The following TMEM74 variants were observed in gnomAD, a reference collection of about 807,000 sequenced individuals.
TMEM74 encodes transmembrane protein 74.
TMEM74 carries 13 observed loss-of-function variants against 18.1 expected under a neutral mutation model. The observed-to-expected ratio is 0.72, with a 90% confidence interval of 0.47 to 1.14. TMEM74 has a LOEUF of 1.14. TMEM74 is among the 50% of genes most tolerant of loss of function. The pLI is 0.00. For synonymous variants in TMEM74, 159 were observed against 146.6 expected (o/e 1.08, Z -0.61); for missense variants, 372 against 375.9 (o/e 0.99, Z 0.09).
chr8:108,699,145 T>C (rs1485472661), intron 1 of TMEM74, among the ~76,000 whole-genome samples: 7 of 68,710 alleles, frequency 1.0e-4, no homozygotes, highest in African/African-American at 1.9e-4. Context: ...CCCTCCCTCT[T>C]TTCCTTCCTT....
intron 1 of TMEM74, among the ~76,000 whole-genome samples, chr8:108,671,364 C>T (rs1813002987): frequency 6.6e-6 from 1 of 152,190 alleles, no homozygotes; most frequent in Non-Finnish European, 1.5e-5. Context: ...CTGTACCACC[C>T]TCTTGCCAAG....
chr8:108,663,174 AT>A (rs998230924), intron 1 of TMEM74, among the ~76,000 whole-genome samples: 15 of 152,036 alleles, frequency 9.9e-5, no homozygotes, highest in Non-Finnish European at 1.6e-4. Flanking sequence ...AGGAAGAGAA[AT>A]TTTTTTCCAT....
chr8:108,636,917 T>G (rs1358029990), intron 2 of TMEM74, among the ~76,000 whole-genome samples: 3 of 152,074 alleles, frequency 2.0e-5, no homozygotes, highest in Non-Finnish European at 2.9e-5. Context: ...TTGTCTCAGC[T>G]ACTATGTGTT....
At chr8:108,706,862 G>C (rs1813420541) in intron 1 of TMEM74, among the ~76,000 whole-genome samples, 1 of 151,182 alleles carries the variant, frequency 6.6e-6, no homozygotes, top group African/African-American at 2.4e-5. Context: ...TGATATCCAA[G>C]ACACTAAGAT....
chr8:108,787,095 A>G (rs1814394898), intron 1 of TMEM74, among the ~76,000 whole-genome samples: 1 of 151,994 alleles, frequency 6.6e-6, no homozygotes, highest in Admixed American at 6.6e-5. Context: ...AGCCCAGTTA[A>G]CGACATTGCA....
intron 1 of TMEM74, among the ~76,000 whole-genome samples, chr8:108,751,224 C>A (rs1002139866): frequency 2.0e-5 from 3 of 152,060 alleles, no homozygotes; most frequent in African/African-American, 7.2e-5. Context: ...AAAAAAGATT[C>A]TTTCGGGTTA....
In TMEM74 at chr8:108,770,940, C is replaced by A. The variant is rs191325213; in HGVS notation, n.119+16536G>T. Among the ~76,000 whole-genome samples, 544 of 152,190 alleles carry A rather than the reference C, an allele frequency of 3.6e-3. 3 individuals are homozygous for A. The highest frequency in any genetic ancestry group is 0.013 in the African/African-American group (520 of 41,536). ...GAGCTGTTCAGAGGAGAATCAATCCCATTTTTCTGGTCTCACTGAGAAGGT... is the reference window on the plus strand; with the variant it reads ...GAGCTGTTCAGAGGAGAATCAATCCAATTTTTCTGGTCTCACTGAGAAGGT... On this transcript the variant is annotated intron_variant and non_coding_transcript_variant, in intron 1 of 3. Coordinates refer to the TMEM74 transcript ENST00000518838.
At chr8:108,787,433 T>A (rs1013462327) in intron 1 of TMEM74, 43 bp downstream of exon 1, 2 of 152,460 alleles carry the variant, frequency 1.3e-5, no homozygotes, top group Non-Finnish European at 2.9e-5. Flanking sequence ...GCTCTCACCC[T>A]TGCATTCAAA....
chr8:108,679,656 C>G (rs2130597582), intron 1 of TMEM74, among the ~76,000 whole-genome samples: 2 of 152,148 alleles, frequency 1.3e-5, no homozygotes, highest in African/African-American at 4.8e-5. Flanking sequence ...AGCCCTTTGT[C>G]AGATGAGTAG....
intron 2 of TMEM74, among the ~76,000 whole-genome samples, chr8:108,637,620 C>T (rs918391199): frequency 1.3e-5 from 2 of 152,016 alleles, no homozygotes; most frequent in African/African-American, 4.8e-5. Flanking sequence ...AAAAGGGCCA[C>T]AAGCCAAGGA....
chr8:108,657,369 T>C (rs1292346284), intron 1 of TMEM74, among the ~76,000 whole-genome samples: 1 of 151,996 alleles, frequency 6.6e-6, no homozygotes, highest in Non-Finnish European at 1.5e-5. Context: ...GAAAATTGTC[T>C]GATCCTCCTC....
chr8:108,680,545 C>A (rs867235298), intron 1 of TMEM74, among the ~76,000 whole-genome samples: 10 of 152,278 alleles, frequency 6.6e-5, no homozygotes, highest in African/African-American at 2.4e-4. Context: ...CTATGACAAA[C>A]CCACAGCCAA....
intron 1 of TMEM74, among the ~76,000 whole-genome samples, chr8:108,664,791 C>T (rs368955151): frequency 5.7e-4 from 87 of 152,098 alleles, no homozygotes; most frequent in African/African-American, 1.9e-3. Flanking sequence ...GAGACCTGCT[C>T]AATGTGAGGG....
intron 1 of TMEM74, among the ~76,000 whole-genome samples, chr8:108,756,641 A>AGAAG (rs1813970357): frequency 5.6e-5 from 4 of 71,318 alleles, no homozygotes; most frequent in African/African-American, 2.6e-4. Flanking sequence ...GAAGGAAGGA[A>AGAAG]GAAAGAAAGA....
chr8:108,706,783 G>GTGTA (rs1554574036), intron 1 of TMEM74, among the ~76,000 whole-genome samples: 2 of 149,978 alleles, frequency 1.3e-5, no homozygotes, highest in Non-Finnish European at 3.0e-5. Context: ...AGGGGTGTGT[G>GTGTA]TGTGTGTGTG....
chr8:108,609,467 G>A (rs1812312248), intron 2 of TMEM74, among the ~76,000 whole-genome samples: 1 of 152,176 alleles, frequency 6.6e-6, no homozygotes, highest in Admixed American at 6.5e-5. Context: ...GGGCAACATG[G>A]TGAAACCCCA....
chr8:108,725,663 A>G (rs1349368881), intron 1 of TMEM74, among the ~76,000 whole-genome samples: 1 of 152,204 alleles, frequency 6.6e-6, no homozygotes, highest in Non-Finnish European at 1.5e-5. Context: ...GAATATAGGA[A>G]CTTGCTCAAG....
intron 1 of TMEM74, among the ~76,000 whole-genome samples, chr8:108,756,798 GAGGAAGGAAGGAAGGA>G (rs60134137): frequency 1.6e-5 from 2 of 123,102 alleles, no homozygotes; most frequent in African/African-American, 3.1e-5. Flanking sequence ...GAGGGAAGGG[GAGGAAGGAAGGAAGGA>G]AGGAAGGAAG....
At chr8:108,747,381 G>A (rs1443065691) in intron 1 of TMEM74, among the ~76,000 whole-genome samples, 1 of 152,030 alleles carries the variant, frequency 6.6e-6, no homozygotes, top group Non-Finnish European at 1.5e-5. Flanking sequence ...AGAAAAAAAA[G>A]CAGATAAACT....
Sources: allele counts gnomAD v4.1 joint callset (sites outside exome capture counted in the v4.1 genomes callset), GRCh38; gene constraint gnomAD v4.1.1; transcripts MANE v1.5; gene names NCBI Gene and HGNC (gene_info 2026-07-23, HGNC 2026-07-21).